The following NVL variants were observed in gnomAD, a reference collection of about 807,000 sequenced individuals.
The protein encoded by NVL is nuclear VCP like, also known as nuclear valosin-containing protein-like.
Under a neutral mutation model 110.2 loss-of-function variants are expected in NVL, and 84 were observed. The observed-to-expected ratio is 0.76, with a 90% CI of 0.64 to 0.91. The LOEUF is 0.91. NVL is among the 40% of genes least tolerant of loss of function. NVL has a pLI of 0.00. For missense variants in NVL, 882 were observed against 1,035.9 expected, an observed-to-expected ratio of 0.85 and a Z score of 2.04; for synonymous variants, 354 against 361.1, an observed-to-expected ratio of 0.98 and a Z score of 0.22.
chr1:224,234,249 T>C (rs551607637), intron 20 of NVL, among the ~76,000 whole-genome samples: 20 of 152,326 alleles, frequency 1.3e-4, no homozygotes, highest in Admixed American at 8.5e-4. Context: ...AAGACACTCA[T>C]GTTGACTGGA....
chr1:224,231,732 G>A (rs1253081400), intron 21 of NVL, among the ~76,000 whole-genome samples: 2 of 152,048 alleles, frequency 1.3e-5, no homozygotes, highest in African/African-American at 4.8e-5. Flanking sequence ...CACTGGTTTA[G>A]AAGGGAGCTT....
intron 18 of NVL, among the ~76,000 whole-genome samples, chr1:224,251,271 CAAAAAAAAAAA>C (rs35538758): frequency 1.6e-5 from 1 of 62,172 alleles, no homozygotes; most frequent in Non-Finnish European, 2.7e-5. Context: ...GATACTGTCT[CAAAAAAAAAAA>C]AAAAAAAAAA....
intron 18 of NVL, among the ~76,000 whole-genome samples, chr1:224,252,920 A>C (rs1389807828): frequency 6.6e-6 from 1 of 152,050 alleles, no homozygotes; most frequent in Non-Finnish European, 1.5e-5. Flanking sequence ...ATTAGTTTGC[A>C]TTTTCTAAAG....
At chr1:224,253,744 A>G (rs1333022185) in intron 18 of NVL, among the ~76,000 whole-genome samples, 1 of 151,272 alleles carries the variant, frequency 6.6e-6, no homozygotes, top group Non-Finnish European at 1.5e-5. Context: ...AAAAAAAAAA[A>G]AAAAGAAAAG....
Position 224,281,137 on chromosome 1 carries a change from C to A in NVL, c.1948G>T (p.Glu650Ter), listed in dbSNP as rs1666265078. 6.2e-7 allele frequency: 1 copy of A among 1,613,698 alleles called. No homozygotes were observed. The highest frequency in any genetic ancestry group is 8.5e-7 in the Non-Finnish European group (1 of 1,179,828). The change falls in exon 16 of 23, where the codon GAA becomes TAA. Residue 650 changes from glutamate to a stop codon, truncating the protein, a stop_gained. Transcript: ENST00000281701. LOFTEE classifies it high-confidence loss of function. ...CAATAACTTACCATGTTTAGTAATT[C>A]GGGGCCCTTGACAGATATAAAATTT... ...GLNFISVKGP[E>*]LLNMYVGESE...
At chr1:224,297,356 T>C (rs943554848) in intron 10 of NVL, among the ~76,000 whole-genome samples, 3 of 152,146 alleles carry the variant, frequency 2.0e-5, no homozygotes, top group African/African-American at 7.2e-5. Flanking sequence ...TTTTTGTTTT[T>C]AAGAAATAAA....
chr1:224,242,927 C>T (rs1350428341), intron 19 of NVL, among the ~76,000 whole-genome samples: 1 of 148,646 alleles, frequency 6.7e-6, no homozygotes, highest in East Asian at 2.0e-4. Context: ...TGGGTTCAAG[C>T]GATTCTCCTG....
rs534984927 is a variant in NVL at position 224,250,186 on chromosome 1, A to G, written c.2289+26T>C. The G allele has an allele frequency of 2.5e-6, 4 of 1,603,118 alleles. No individual in the cohort carries two copies. The East Asian group carries it at 9.0e-5, about 36-fold the overall frequency. On this transcript the variant is annotated intron_variant, in intron 19 of 22. Coordinates refer to ENST00000281701, the MANE Select transcript of NVL (RefSeq NM_002533.4). Reference sequence around the variant, plus strand: ...TATTTAAAACAAGAGAAACATATACAAAAATATACCATTTCCTTTACTCAC... The same window carrying G: ...TATTTAAAACAAGAGAAACATATACGAAAATATACCATTTCCTTTACTCAC...
intron 18 of NVL, among the ~76,000 whole-genome samples, chr1:224,265,042 G>A (rs1245878463): frequency 6.6e-6 from 1 of 152,032 alleles, no homozygotes; most frequent in Non-Finnish European, 1.5e-5. Flanking sequence ...ACCGTGCCCG[G>A]CCAGAACATT....
chr1:224,287,787 G>A lies in NVL; in HGVS notation c.1782C>T (p.Thr594=). Reference sequence around the variant, plus strand: ...CTGATATACCTACCAATATTGCCATGGTGAGCTCCTCTCTAATGTCTTCCA... The same window carrying A: ...CTGATATACCTACCAATATTGCCATAGTGAGCTCCTCTCTAATGTCTTCCA... ...GALEDIREEL[T]MAILAPVRNP... The change falls in exon 14 of 23, where the codon ACC becomes ACT. Residue 594 remains threonine, a synonymous_variant. Transcript: ENST00000281701. The A allele has an allele frequency of 6.2e-7, 1 of 1,613,808 alleles. No homozygotes were observed. Among genetic ancestry groups the A allele is most frequent in the Non-Finnish European group, 8.5e-7 (1 of 1,179,760 alleles).
intron 18 of NVL, among the ~76,000 whole-genome samples, chr1:224,263,548 C>A (rs1012044705): frequency 6.6e-5 from 10 of 152,142 alleles, no homozygotes; most frequent in Admixed American, 3.9e-4. Flanking sequence ...ACATTTTACC[C>A]AGTATAGGTA....
chr1:224,286,679 G>A (rs1666904860), intron 14 of NVL, among the ~76,000 whole-genome samples: 1 of 152,152 alleles, frequency 6.6e-6, no homozygotes, highest in African/African-American at 2.4e-5. Context: ...CAACAAATAT[G>A]TTTTAGAAAA....
At chr1:224,277,281 GCA>G (rs987413608) in intron 16 of NVL, among the ~76,000 whole-genome samples, 1 of 152,122 alleles carries the variant, frequency 6.6e-6, no homozygotes, top group African/African-American at 2.4e-5. Context: ...TACAAATATA[GCA>G]CACAGTGTGC....
chr1:224,315,071 T>TCTC (rs1325634352), intron 4 of NVL, among the ~76,000 whole-genome samples: 1 of 151,506 alleles, frequency 6.6e-6, no homozygotes, highest in Non-Finnish European at 1.5e-5. Flanking sequence ...TTTTTTTTTT[T>TCTC]TAGAGACAAG....
At chr1:224,328,577 A>G (rs527752781) in intron 1 of NVL, among the ~76,000 whole-genome samples, 1 of 152,234 alleles carries the variant, frequency 6.6e-6, no homozygotes, top group East Asian at 1.9e-4. Flanking sequence ...AGTATAAGGT[A>G]GAGATGATGG....
intron 20 of NVL, among the ~76,000 whole-genome samples, chr1:224,236,258 G>A (rs867585506): frequency 4.6e-5 from 7 of 152,168 alleles, no homozygotes; most frequent in South Asian, 2.1e-4. Context: ...CAGCAGTGCT[G>A]GTTAGGGTAG....
At chr1:224,281,931 C>T (rs147566379) in intron 15 of NVL, among the ~76,000 whole-genome samples, 5,049 of 132,930 alleles carry the variant, frequency 0.038, 122 homozygotes, top group Non-Finnish European at 0.056. Context: ...CCAGCCTGGG[C>T]GACAGAGCGA....
At chr1:224,314,684 A>G (rs1003773298) in intron 4 of NVL, among the ~76,000 whole-genome samples, 5 of 152,218 alleles carry the variant, frequency 3.3e-5, no homozygotes, top group African/African-American at 1.2e-4. Flanking sequence ...CATAAAATAG[A>G]GAACAAAAGA....
intron 2 of NVL, among the ~76,000 whole-genome samples, chr1:224,319,153 C>CAAAAAA: frequency 2.1e-5 from 1 of 47,112 alleles, no homozygotes; most frequent in South Asian, 1.1e-3. Flanking sequence ...GACTCCGTCT[C>CAAAAAA]AAAAAAAAAA....
Sources: allele counts gnomAD v4.1 joint callset (sites outside exome capture counted in the v4.1 genomes callset), GRCh38; gene constraint gnomAD v4.1.1; transcripts MANE v1.5; gene names NCBI Gene and HGNC (gene_info 2026-07-23, HGNC 2026-07-21).